The following GLIS3 variants were observed in gnomAD, a reference collection of about 807,000 sequenced individuals.
The protein encoded by GLIS3 is zinc finger protein GLIS3.
GLIS3 carries 53 observed loss-of-function variants against 78.6 expected under a neutral mutation model. That is an observed-to-expected ratio of 0.67 (90% CI 0.54 to 0.85). The LOEUF is 0.85. GLIS3 is among the 40% of genes least tolerant of loss of function. The probability of loss-of-function intolerance (pLI) is 0.00; values close to 1 mark genes in which losing one functional copy is unlikely to be tolerated. For missense variants in GLIS3, 1,703 were observed against 1,231.1 expected (o/e 1.38, Z -5.74); for synonymous variants, 684 against 509.9 (o/e 1.34, Z -4.60).
At chr9:4,038,575 A>T (rs1824529748) in intron 4 of GLIS3, among the ~76,000 whole-genome samples, 1 of 152,204 alleles carries the variant, frequency 6.6e-6, no homozygotes, top group Admixed American at 6.5e-5. Context: ...AGGAAAAGGA[A>T]TTTCCCAGGC....
At chr9:3,932,038 T>C (rs964442816) in intron 6 of GLIS3, among the ~76,000 whole-genome samples, 1 of 152,232 alleles carries the variant, frequency 6.6e-6, no homozygotes, top group African/African-American at 2.4e-5. Flanking sequence ...TTAACTTCTA[T>C]AAAAGCTTTT....
At chr9:4,027,289 T>C (rs1198160410) in intron 4 of GLIS3, among the ~76,000 whole-genome samples, 1 of 152,232 alleles carries the variant, frequency 6.6e-6, no homozygotes, top group Non-Finnish European at 1.5e-5. Context: ...ACCAGGTCTT[T>C]AAGGCACAAG....
intron 9 of GLIS3, among the ~76,000 whole-genome samples, chr9:3,841,048 G>A (rs1376790060): frequency 2.6e-5 from 4 of 152,122 alleles, no homozygotes; most frequent in Non-Finnish European, 5.9e-5. Context: ...GGCTAAAAGC[G>A]ACAATAGGGA....
At chr9:4,073,895 ATG>A (rs1189068015) in intron 4 of GLIS3, among the ~76,000 whole-genome samples, 1 of 152,204 alleles carries the variant, frequency 6.6e-6, no homozygotes, top group African/African-American at 2.4e-5. Flanking sequence ...TGTGTGTCTG[ATG>A]TGTGTAAGTA....
intron 2 of GLIS3, among the ~76,000 whole-genome samples, chr9:4,131,657 A>G (rs1340252): frequency 0.36 from 54,718 of 151,950 alleles, 10,149 homozygotes; most frequent in East Asian, 0.62. Context: ...CACCCCAAAT[A>G]CTGTTATGCT....
chr9:4,179,341 T>C (rs1817090383), intron 2 of GLIS3, among the ~76,000 whole-genome samples: 1 of 152,176 alleles, frequency 6.6e-6, no homozygotes, highest in African/African-American at 2.4e-5. Context: ...TGAGACAGCA[T>C]CTAAAACAAC....
intron 4 of GLIS3, among the ~76,000 whole-genome samples, chr9:4,025,621 T>C (rs944436407): frequency 7.2e-5 from 11 of 152,016 alleles, no homozygotes; most frequent in African/African-American, 2.4e-4. Flanking sequence ...CTCCTGACCT[T>C]GTGATCCGCC....
chr9:4,202,824 T>G (rs565621165), intron 2 of GLIS3, among the ~76,000 whole-genome samples: 16 of 152,310 alleles, frequency 1.1e-4, no homozygotes, highest in African/African-American at 3.4e-4. Context: ...TAAGTCAAGA[T>G]GGATTAAAGA....
chr9:4,182,458 T>C (rs1299755608), intron 2 of GLIS3, among the ~76,000 whole-genome samples: 2 of 152,114 alleles, frequency 1.3e-5, no homozygotes, highest in Non-Finnish European at 2.9e-5. Context: ...ACCTGAAACT[T>C]CTCCACACTG....
chr9:4,195,861 T>C (rs1369534503), intron 2 of GLIS3, among the ~76,000 whole-genome samples: 3 of 152,216 alleles, frequency 2.0e-5, no homozygotes, highest in Non-Finnish European at 1.5e-5. Context: ...CTAGCTAATC[T>C]AGTGAGGACG....
intron 2 of GLIS3, among the ~76,000 whole-genome samples, chr9:4,175,092 G>A (rs116919496): frequency 1.3e-5 from 2 of 152,250 alleles, no homozygotes; most frequent in East Asian, 3.9e-4. Context: ...TTTTAAGCAG[G>A]GAGTTTCCTC....
chr9:4,220,303 T>A (rs1292741563), intron 2 of GLIS3, among the ~76,000 whole-genome samples: 1 of 152,210 alleles, frequency 6.6e-6, no homozygotes, highest in Admixed American at 6.5e-5. Flanking sequence ...GGGTAAAAGT[T>A]TGATGAGCAA....
At chr9:4,336,090 C>G (rs1315658426) in intron 2 of GLIS3, among the ~76,000 whole-genome samples, 1 of 152,134 alleles carries the variant, frequency 6.6e-6, no homozygotes, top group Non-Finnish European at 1.5e-5. Flanking sequence ...GTTTGTTACC[C>G]ATAAGCCACA....
rs143226846 is a variant in GLIS3 at position 3,984,622 on chromosome 9, T to C, written c.1711-47433A>G. 2.0e-3 allele frequency among the ~76,000 whole-genome samples: 307 copies of C among 152,338 alleles called. 1 individual carries two copies. The highest frequency in any genetic ancestry group is 7.2e-3 in the African/African-American group (298 of 41,570). The stretch of plus-strand genomic sequence containing the variant: ...TTTAGACTGTAGACTTTTGAGTTAA[T>C]GTTGAAATGAGTTAAGACTTTGGGG... On this transcript the variant is annotated intron_variant, in intron 4 of 10. Transcript: ENST00000381971.
At position 4,328,376 on chromosome 9, in the gene GLIS3, A is replaced by G. The variant is rs144323482; in HGVS notation, n.265-17848T>C. 4.6e-5 allele frequency among the ~76,000 whole-genome samples: 7 copies of G among 152,326 alleles called. No individual in the cohort carries two copies. In the East Asian group the frequency reaches 1.2e-3, roughly 25 times the overall value. On this transcript the variant is annotated intron_variant and non_coding_transcript_variant, in intron 2 of 4. Transcript: ENST00000471664. ...CTCAACCCACTAACCAGCAGCAGAT[A>G]GAGGTGTTCATGGCTCAGAGAGTCA...
At chr9:4,269,765 C>T (rs10124633) in intron 2 of GLIS3, among the ~76,000 whole-genome samples, 94,811 of 151,912 alleles carry the variant, frequency 0.62, 29,795 homozygotes, top group East Asian at 0.74. Flanking sequence ...TTAATTTTGT[C>T]TGAGAATAAT....
At chr9:3,858,109 AG>A (rs1432984278) in intron 8 of GLIS3, among the ~76,000 whole-genome samples, 1 of 152,164 alleles carries the variant, frequency 6.6e-6, no homozygotes, top group African/African-American at 2.4e-5. Flanking sequence ...TCTGGGGCAA[AG>A]GAGCAAGATC....
chr9:4,057,469 A>G (rs1377826440), intron 4 of GLIS3, among the ~76,000 whole-genome samples: 1 of 152,186 alleles, frequency 6.6e-6, no homozygotes, highest in Non-Finnish European at 1.5e-5. Context: ...CAATTTTTAA[A>G]TGGATAATCA....
At chr9:4,320,179 T>C (rs1484260901) in intron 2 of GLIS3, among the ~76,000 whole-genome samples, 6 of 152,236 alleles carry the variant, frequency 3.9e-5, no homozygotes, top group African/African-American at 1.2e-4. Context: ...ATGTTTTTTA[T>C]AGGTCAACAA....
Sources: gnomAD v4.1 joint callset for allele counts (sites outside exome capture counted in the v4.1 genomes callset) on GRCh38, gnomAD v4.1.1 for gene constraint, MANE v1.5 for transcripts, NCBI Gene and HGNC (gene_info 2026-07-23, HGNC 2026-07-21) for gene names.